Variants in CADM2 observed in about 807,000 individuals in gnomAD.
The protein encoded by CADM2 is immunoglobulin superfamily member 4D.
In CADM2, 12 loss-of-function variants were observed where a neutral mutation model predicts 49.8. That is an observed-to-expected ratio of 0.24 (90% CI 0.15 to 0.39). The LOEUF is 0.39. Among genes scored for constraint, CADM2 ranks in the 10% least tolerant of loss-of-function variants. The probability of loss-of-function intolerance (pLI) is 1.00; values close to 1 mark genes in which losing one functional copy is unlikely to be tolerated. For missense variants in CADM2, 378 were observed against 492.3 expected (o/e 0.77, Z 2.20); for synonymous variants, 214 against 175.4 (o/e 1.22, Z -1.74).
intron 7 of CADM2, among the ~76,000 whole-genome samples, chr3:85,961,260 G>A (rs1488603156): frequency 6.6e-6 from 1 of 151,332 alleles, no homozygotes; most frequent in Non-Finnish European, 1.5e-5. Context: ...ATACATATCT[G>A]CTTAGTTAAA....
intron 1 of CADM2, among the ~76,000 whole-genome samples, chr3:85,549,163 A>G (rs561992662): frequency 1.3e-5 from 2 of 152,306 alleles, no homozygotes; most frequent in East Asian, 3.9e-4. Context: ...TGTTAATAAT[A>G]TGCTCACATC....
At chr3:86,004,816 T>C (rs2091240940) in intron 8 of CADM2, among the ~76,000 whole-genome samples, 2 of 152,196 alleles carry the variant, frequency 1.3e-5, no homozygotes, top group Non-Finnish European at 2.9e-5. Context: ...TGTGACCACC[T>C]TTGGACTGAA....
chr3:85,491,726 C>A (rs532703483), intron 1 of CADM2, among the ~76,000 whole-genome samples: 145 of 151,984 alleles, frequency 9.5e-4, no homozygotes, highest in Non-Finnish European at 1.8e-3. Flanking sequence ...CAGAGGCGGG[C>A]AGATCACGAG....
intron 1 of CADM2, among the ~76,000 whole-genome samples, chr3:85,132,051 G>C (rs572951820): frequency 6.6e-6 from 1 of 152,146 alleles, no homozygotes; most frequent in Admixed American, 6.5e-5. Flanking sequence ...TGTCTTAAGA[G>C]ATATTATTTG....
Position 86,074,034 on chromosome 3 carries a change from A to T in CADM2, c.*7251A>T, listed in dbSNP as rs1255226281. On this transcript the variant is annotated 3_prime_UTR_variant, in exon 10 of 10. Coordinates refer to ENST00000383699, the MANE Select transcript of CADM2 (RefSeq NM_001167675.2). ...AGGGAAATTTGCTTGAGAATGCCAAAATTTTAAAACTCTGTAAAGGTAATT... is the reference window on the plus strand; with the variant it reads ...AGGGAAATTTGCTTGAGAATGCCAATATTTTAAAACTCTGTAAAGGTAATT... 1 of 151,998 alleles carries T rather than the reference A, an allele frequency of 6.6e-6. No homozygotes were observed. The highest frequency in any genetic ancestry group is 1.5e-5 in the Non-Finnish European group (1 of 67,898). The allele number at this position is 151,998 out of a possible 1,614,324, so 9.4% of individuals were successfully genotyped here.
At chr3:85,860,433 A>T (rs111635824) in intron 3 of CADM2, among the ~76,000 whole-genome samples, 29 of 152,240 alleles carry the variant, frequency 1.9e-4, no homozygotes, top group African/African-American at 7.0e-4. Context: ...AGGTAATTTG[A>T]TGGGAATTTC....
chr3:85,916,986 G>T (rs1324000297), intron 6 of CADM2, among the ~76,000 whole-genome samples: 1 of 151,958 alleles, frequency 6.6e-6, no homozygotes, highest in Non-Finnish European at 1.5e-5. Flanking sequence ...AGAAGTGTCT[G>T]TTCATATCCT....
At chr3:85,897,449 T>G (rs529158938) in intron 5 of CADM2, among the ~76,000 whole-genome samples, 1 of 149,114 alleles carries the variant, frequency 6.7e-6, no homozygotes, top group East Asian at 2.0e-4. Flanking sequence ...TTTTGTATTT[T>G]TAGTAGAGAC....
chr3:85,349,195 C>A (rs1268396112), intron 1 of CADM2, among the ~76,000 whole-genome samples: 1 of 152,184 alleles, frequency 6.6e-6, no homozygotes, highest in African/African-American at 2.4e-5. Context: ...AGATTGTTTT[C>A]TGTTCACACA....
chr3:85,140,096 G>A (rs939821520), intron 1 of CADM2, among the ~76,000 whole-genome samples: 8 of 152,066 alleles, frequency 5.3e-5, no homozygotes, highest in African/African-American at 1.9e-4. Flanking sequence ...GCTAAGATTC[G>A]GGAGCTGGAA....
At chr3:85,644,210 A>G (rs1207105317) in intron 1 of CADM2, among the ~76,000 whole-genome samples, 1 of 152,136 alleles carries the variant, frequency 6.6e-6, no homozygotes, top group South Asian at 2.1e-4. Flanking sequence ...TTCTTGCTGT[A>G]TCTGTACATA....
intron 1 of CADM2, among the ~76,000 whole-genome samples, chr3:85,082,739 A>T (rs539614089): frequency 7.2e-5 from 11 of 152,248 alleles, no homozygotes; most frequent in South Asian, 4.1e-4. Context: ...TTTCAGTAAA[A>T]GCCAGAATGA....
intron 8 of CADM2, among the ~76,000 whole-genome samples, chr3:86,025,112 G>A (rs895139119): frequency 2.0e-5 from 3 of 151,710 alleles, no homozygotes; most frequent in African/African-American, 7.3e-5. Flanking sequence ...CCAGAGTGTA[G>A]TGGCATGATC....
chr3:85,476,357 G>A (rs1367841336), intron 1 of CADM2, among the ~76,000 whole-genome samples: 3 of 151,824 alleles, frequency 2.0e-5, no homozygotes, highest in Non-Finnish European at 4.4e-5. Flanking sequence ...AAATGTTAGA[G>A]TTTAGCACCC....
At chr3:85,165,353 A>G (rs1460536718) in intron 1 of CADM2, among the ~76,000 whole-genome samples, 4 of 151,966 alleles carry the variant, frequency 2.6e-5, no homozygotes, top group Non-Finnish European at 5.9e-5. Flanking sequence ...TTAAAGAGTA[A>G]TACTTAAATT....
chr3:85,614,852 T>C (rs2063760515), intron 1 of CADM2, among the ~76,000 whole-genome samples: 1 of 151,984 alleles, frequency 6.6e-6, no homozygotes, highest in Admixed American at 6.6e-5. Flanking sequence ...TGTTATTGTG[T>C]TGACATATTC....
chr3:85,812,785 T>A (rs768592947), intron 3 of CADM2, among the ~76,000 whole-genome samples: 26 of 152,088 alleles, frequency 1.7e-4, no homozygotes, highest in Non-Finnish European at 2.2e-4. Flanking sequence ...CACTTATGAG[T>A]GAGAACATGT....
At chr3:85,706,836 A>G (rs991490493) in intron 1 of CADM2, among the ~76,000 whole-genome samples, 2 of 152,212 alleles carry the variant, frequency 1.3e-5, no homozygotes, top group African/African-American at 4.8e-5. Context: ...GTTAAATAAG[A>G]ATAAAGAAAA....
At chr3:85,535,732 C>T (rs1176535623) in intron 1 of CADM2, among the ~76,000 whole-genome samples, 2 of 152,028 alleles carry the variant, frequency 1.3e-5, no homozygotes, top group East Asian at 1.9e-4. Flanking sequence ...TCCTTCTGTC[C>T]ACTGACTCTC....
Sources: allele counts gnomAD v4.1 joint callset (sites outside exome capture counted in the v4.1 genomes callset), GRCh38; gene constraint gnomAD v4.1.1; transcripts MANE v1.5; gene names NCBI Gene and HGNC (gene_info 2026-07-23, HGNC 2026-07-21).